ZBTB20: variants seen among roughly 807,000 people sequenced by gnomAD.
The protein encoded by ZBTB20 is zinc finger and BTB domain-containing protein 20.
ZBTB20 carries 9 observed loss-of-function variants against 56.9 expected under a neutral mutation model. That is an observed-to-expected ratio of 0.16 (90% CI 0.10 to 0.28). ZBTB20 has a LOEUF of 0.28. Ranked by LOEUF, ZBTB20 falls within the 10% of genes least tolerant of loss-of-function variation. The probability of loss-of-function intolerance (pLI) is 1.00; values close to 1 mark genes in which losing one functional copy is unlikely to be tolerated. For missense variants in ZBTB20, 655 were observed against 1,003.0 expected (o/e 0.65, Z 4.69); for synonymous variants, 417 against 420.7 (o/e 0.99, Z 0.11).
At position 114,338,928 on chromosome 3, in the gene ZBTB20, T is replaced by C; in HGVS notation, c.*77A>G. On this transcript the variant is annotated 3_prime_UTR_variant, in exon 12 of 12. Coordinates refer to ENST00000675478, the MANE Select transcript of ZBTB20 (RefSeq NM_001348800.3). ...TGAAACCAAAACATTTCTTAAATTC[T>C]AGTGCCATAGCTTTTTTGTTTGTTT... 16 of 1,419,756 alleles carry C rather than the reference T, an allele frequency of 1.1e-5. No homozygotes were observed. The highest frequency in any genetic ancestry group is 1.4e-5 in the African/African-American group (1 of 70,254). 87.9% of individuals were successfully genotyped at this position (1,419,756 alleles called of 1,614,324 possible).
At chr3:114,512,776 T>G (rs2045558414) in intron 6 of ZBTB20, among the ~76,000 whole-genome samples, 1 of 152,142 alleles carries the variant, frequency 6.6e-6, no homozygotes, top group Non-Finnish European at 1.5e-5. Flanking sequence ...TTTCCTTTCT[T>G]TTTTGAAAGA....
intron 1 of ZBTB20, chr3:115,100,739 G>A (rs541723654): frequency 1.3e-5 from 2 of 152,282 alleles, no homozygotes; most frequent in East Asian, 3.9e-4. Context: ...TTGCATATAA[G>A]CAGGAAATAG....
At chr3:114,355,497 C>T (rs1418819789) in intron 10 of ZBTB20, among the ~76,000 whole-genome samples, 21 of 152,202 alleles carry the variant, frequency 1.4e-4, no homozygotes, top group Admixed American at 1.4e-3. Context: ...CCTGCCTCCC[C>T]ATTCAAGCAT....
rs780540536 is a variant in ZBTB20, at chr3:114,333,290, T to C, written c.*5715A>G. On this transcript the variant is annotated 3_prime_UTR_variant, in exon 12 of 12. Coordinates refer to ENST00000675478, the MANE Select transcript of ZBTB20 (RefSeq NM_001348800.3). ...CGGAAAGCCCTTGGGAATATGAAAATACTCTCTCTCAAGAGCAAGGGCTCT... is the reference window on the plus strand; with the variant it reads ...CGGAAAGCCCTTGGGAATATGAAAACACTCTCTCTCAAGAGCAAGGGCTCT... 5 of 152,182 alleles carry C rather than the reference T, an allele frequency of 3.3e-5. No homozygotes were observed. Among genetic ancestry groups the C allele is most frequent in the Non-Finnish European group, 7.3e-5 (5 of 68,032 alleles). The allele number at this position is 152,182 out of a possible 1,614,324, so 9.4% of individuals were successfully genotyped here.
intron 3 of ZBTB20, among the ~76,000 whole-genome samples, chr3:114,959,545 A>G (rs914695741): frequency 3.9e-5 from 6 of 152,162 alleles, no homozygotes; most frequent in Non-Finnish European, 5.9e-5. Context: ...ACAAATTTGC[A>G]AGGGACACCA....
intron 5 of ZBTB20, among the ~76,000 whole-genome samples, chr3:114,789,593 T>A (rs759068264): frequency 1.3e-5 from 2 of 152,142 alleles, no homozygotes; most frequent in Non-Finnish European, 2.9e-5. Flanking sequence ...AAAAGCCGGT[T>A]AGGGCCTGGA....
chr3:115,071,276 T>C lies in ZBTB20; in HGVS notation c.-564A>G, dbSNP rs1181721862. 1 of 152,118 alleles carries C rather than the reference T, an allele frequency of 6.6e-6. No individual in the cohort carries two copies. Among genetic ancestry groups the C allele is most frequent in the Non-Finnish European group, 1.5e-5 (1 of 68,034 alleles). 9.4% of individuals were successfully genotyped at this position (152,118 alleles called of 1,614,324 possible). ...TTCTTGATTAACCAGGAGAAGAATA[T>C]CATAGGCATGGGTGTGAGATCAACT... On this transcript the variant is annotated 5_prime_UTR_variant, in exon 2 of 12. Transcript: ENST00000675478.
At chr3:114,763,195 G>A (rs1263774378) in intron 5 of ZBTB20, among the ~76,000 whole-genome samples, 3 of 152,074 alleles carry the variant, frequency 2.0e-5, no homozygotes, top group African/African-American at 7.2e-5. Flanking sequence ...TGTATATTTG[G>A]TTGAGAGTTA....
At chr3:114,348,504 C>T (rs1043711288) in intron 11 of ZBTB20, among the ~76,000 whole-genome samples, 6 of 152,226 alleles carry the variant, frequency 3.9e-5, no homozygotes. Flanking sequence ...CCCAAGTAAA[C>T]AAAGCAACTC....
chr3:114,468,282 G>C (rs1305280847), intron 7 of ZBTB20, among the ~76,000 whole-genome samples: 1 of 152,090 alleles, frequency 6.6e-6, no homozygotes, highest in Non-Finnish European at 1.5e-5. Context: ...GGAAAATCAG[G>C]TTTTGATAGA....
At chr3:114,848,265 G>A (rs189685875) in intron 4 of ZBTB20, among the ~76,000 whole-genome samples, 250 of 152,218 alleles carry the variant, frequency 1.6e-3, no homozygotes, top group African/African-American at 5.4e-3. Flanking sequence ...AACACATGCG[G>A]GCAGGTAAAC....
At chr3:114,929,419 G>A (rs997633470) in intron 3 of ZBTB20, among the ~76,000 whole-genome samples, 1 of 152,216 alleles carries the variant, frequency 6.6e-6, no homozygotes, top group Non-Finnish European at 1.5e-5. Context: ...AGGAGAGAAA[G>A]GAAGTGAGTA....
chr3:114,744,444 TA>T (rs1373961932), intron 5 of ZBTB20, among the ~76,000 whole-genome samples: 1 of 152,200 alleles, frequency 6.6e-6, no homozygotes, highest in African/African-American at 2.4e-5. Flanking sequence ...GGAGATGCTT[TA>T]GGGTGTTTTT....
At position 114,320,676 on chromosome 3, in the gene ZBTB20, A is replaced by G. The variant is rs1364227170; in HGVS notation, c.*18329T>C. 2 of 152,092 alleles carry G rather than the reference A, an allele frequency of 1.3e-5. No homozygotes were observed. The highest frequency in any genetic ancestry group is 2.4e-5 in the African/African-American group (1 of 41,432). The allele number at this position is 152,092 out of a possible 1,614,324, so 9.4% of individuals were successfully genotyped here. ...TTAAAATGAACAAATTTGTTTTTAT[A>G]TTTTTGGTCTACAGTAGAATTACAT... On this transcript the variant is annotated 3_prime_UTR_variant, in exon 12 of 12. Coordinates refer to ENST00000675478, the MANE Select transcript of ZBTB20 (RefSeq NM_001348800.3).
chr3:114,358,856 C>T (rs1041603649), intron 10 of ZBTB20, among the ~76,000 whole-genome samples: 1 of 152,108 alleles, frequency 6.6e-6, no homozygotes, highest in African/African-American at 2.4e-5. Context: ...TCAACTTCTC[C>T]CAGACCTCAG....
intron 6 of ZBTB20, among the ~76,000 whole-genome samples, chr3:114,605,192 T>G (rs1411989339): frequency 6.6e-6 from 1 of 152,060 alleles, no homozygotes; most frequent in Non-Finnish European, 1.5e-5. Context: ...TAGTATAATT[T>G]TTTTGTAAAA....
At chr3:114,896,207 A>G (rs2074871009) in intron 4 of ZBTB20, among the ~76,000 whole-genome samples, 1 of 152,168 alleles carries the variant, frequency 6.6e-6, no homozygotes, top group African/African-American at 2.4e-5. Flanking sequence ...AGAACACATG[A>G]AAATGGAATT....
intron 4 of ZBTB20, among the ~76,000 whole-genome samples, chr3:114,880,961 T>C (rs1400077541): frequency 6.6e-6 from 1 of 152,136 alleles, no homozygotes; most frequent in African/African-American, 2.4e-5. Flanking sequence ...GTTTTCCAAA[T>C]AGTTTTACAC....
chr3:114,977,496 A>G (rs2078150953), intron 2 of ZBTB20, among the ~76,000 whole-genome samples: 1 of 152,202 alleles, frequency 6.6e-6, no homozygotes. Flanking sequence ...ATTGGAAGAG[A>G]TAGATCAGTA....
Sources: allele counts gnomAD v4.1 joint callset (sites outside exome capture counted in the v4.1 genomes callset), GRCh38; gene constraint gnomAD v4.1.1; transcripts MANE v1.5; gene names NCBI Gene and HGNC (gene_info 2026-07-23, HGNC 2026-07-21).